TFEC: variants seen among roughly 807,000 people sequenced by gnomAD.
The protein encoded by TFEC is transcription factor EC, also known as class E basic helix-loop-helix protein 34.
A neutral mutation model predicts 41.6 loss-of-function variants in TFEC; 31 were observed. The observed-to-expected ratio is 0.74, with a 90% CI of 0.56 to 1.01. The LOEUF (loss-of-function observed/expected upper bound fraction) is 1.01, where lower values mean the gene tolerates loss of function less well. TFEC is among the 50% of genes least tolerant of loss of function. TFEC has a pLI of 0.00. For missense variants in TFEC, 402 were observed against 404.1 expected (o/e 0.99, Z 0.04); for synonymous variants, 143 against 140.6 (o/e 1.02, Z -0.12).
intron 1 of TFEC, among the ~76,000 whole-genome samples, chr7:116,016,634 CT>C (rs1357612405): frequency 2.6e-5 from 4 of 151,974 alleles, no homozygotes; most frequent in Non-Finnish European, 5.9e-5. Context: ...AGTTATGTTT[CT>C]GCTCTGGAAT....
chr7:115,950,662 A>G, intron 6 of TFEC, among the ~76,000 whole-genome samples: 1 of 152,130 alleles, frequency 6.6e-6, no homozygotes, highest in South Asian at 2.1e-4. Context: ...TTTACTTCTT[A>G]TAGCTCAAGA....
At chr7:116,139,205 G>A (rs1305767904) in intron 1 of TFEC, among the ~76,000 whole-genome samples, 1 of 152,200 alleles carries the variant, frequency 6.6e-6, no homozygotes, top group Admixed American at 6.5e-5. Flanking sequence ...AGTTCAGCCT[G>A]TGAAGTAGAA....
intron 1 of TFEC, among the ~76,000 whole-genome samples, chr7:115,998,655 G>A (rs1354668605): frequency 2.0e-5 from 3 of 151,810 alleles, no homozygotes; most frequent in Admixed American, 6.5e-5. Context: ...CATGCAAATG[G>A]AAACCAAAAA....
At chr7:115,993,153 A>G (rs983694445) in intron 1 of TFEC, among the ~76,000 whole-genome samples, 18 of 152,196 alleles carry the variant, frequency 1.2e-4, no homozygotes, top group Admixed American at 3.3e-4. Flanking sequence ...ACAAAATTCA[A>G]TAGCCCTTCA....
At chr7:116,054,704 T>C (rs922132814) in intron 3 of TFEC, among the ~76,000 whole-genome samples, 3 of 152,172 alleles carry the variant, frequency 2.0e-5, no homozygotes, top group African/African-American at 7.2e-5. Flanking sequence ...GGAACATACG[T>C]ACACCAAAAA....
chr7:116,060,014 A>T (rs1164755754), intron 3 of TFEC, among the ~76,000 whole-genome samples: 1 of 152,110 alleles, frequency 6.6e-6, no homozygotes, highest in Non-Finnish European at 1.5e-5. Context: ...TTGGAAAAAG[A>T]AGTAAAACTA....
At position 115,951,939 on chromosome 7, in the gene TFEC, T is replaced by G. The variant is rs1276126120; in HGVS notation, c.440-990A>C. On this transcript the variant is annotated intron_variant, in intron 5 of 7. Coordinates refer to ENST00000265440, the MANE Select transcript of TFEC (RefSeq NM_012252.4). The stretch of plus-strand genomic sequence containing the variant: ...AAGAACCATAACATATACTTATACA[T>G]GGTATCTTTTTCAACAGATATGTTT... Among the ~76,000 whole-genome samples, 4 of 152,060 alleles carry G rather than the reference T, an allele frequency of 2.6e-5. No homozygotes were observed. In the South Asian group the frequency reaches 8.3e-4, roughly 32 times the overall value.
At chr7:115,960,129 G>A (rs898522039) in intron 3 of TFEC, among the ~76,000 whole-genome samples, 5 of 150,898 alleles carry the variant, frequency 3.3e-5, no homozygotes, top group African/African-American at 1.2e-4. Flanking sequence ...CAATAATAAA[G>A]AGAAAAAAAT....
intron 6 of TFEC, among the ~76,000 whole-genome samples, chr7:115,949,093 T>C (rs149408224): frequency 0.12 from 18,932 of 152,090 alleles, 1,531 homozygotes; most frequent in East Asian, 0.38. Flanking sequence ...TGAACTCCCA[T>C]TCATAATTGC....
chr7:116,050,126 G>T (rs1435989790), intron 3 of TFEC, among the ~76,000 whole-genome samples: 4 of 151,974 alleles, frequency 2.6e-5, no homozygotes. Context: ...AAATAACTAA[G>T]ATCAGAACAG....
chr7:116,047,926 C>A (rs1295989646), intron 3 of TFEC, among the ~76,000 whole-genome samples: 3 of 152,180 alleles, frequency 2.0e-5, no homozygotes, highest in African/African-American at 7.2e-5. Context: ...AGGGTCCTGA[C>A]TGTTAGAAGG....
At chr7:116,058,894 T>C (rs76053062) in intron 3 of TFEC, among the ~76,000 whole-genome samples, 2 of 151,682 alleles carry the variant, frequency 1.3e-5, no homozygotes, top group Non-Finnish European at 3.0e-5. Context: ...TAAAGCAATA[T>C]TGAGGGACGA....
chr7:116,057,040 A>G (rs1311339445), intron 3 of TFEC, among the ~76,000 whole-genome samples: 3 of 152,056 alleles, frequency 2.0e-5, no homozygotes, highest in African/African-American at 7.2e-5. Flanking sequence ...CTGGATGGAA[A>G]TAACAGCAGA....
chr7:115,966,655 T>C (rs933391113), intron 3 of TFEC, among the ~76,000 whole-genome samples: 5 of 151,758 alleles, frequency 3.3e-5, no homozygotes, highest in Admixed American at 1.3e-4. Context: ...AATGTCTGGA[T>C]TCTTTATTAT....
chr7:116,137,690 A>T (rs1304933423), intron 1 of TFEC, among the ~76,000 whole-genome samples: 2 of 152,260 alleles, frequency 1.3e-5, no homozygotes, highest in East Asian at 3.9e-4. Context: ...CACACACTGC[A>T]TCAACAGTGA....
intron 3 of TFEC, among the ~76,000 whole-genome samples, chr7:116,042,476 G>T (rs73448931): frequency 0.02 from 3,051 of 152,232 alleles, 90 homozygotes; most frequent in African/African-American, 0.068. Context: ...AATATTAAGT[G>T]TTTAGTTGAA....
rs1241617655 is a variant in TFEC at position 115,939,090 on chromosome 7, C to A, written c.*1461G>T. 6.6e-6 allele frequency: 1 copy of A among 151,996 alleles called. No homozygotes were observed. Among genetic ancestry groups the A allele is most frequent in the African/African-American group, 2.4e-5 (1 of 41,394 alleles). The allele number at this position is 151,996 out of a possible 1,614,324, so 9.4% of individuals were successfully genotyped here. ...TGTCAGTCATTTTCATTTTCTCTGA[C>A]CTTCTGTATTTACAGTTTATGCTTA... On this transcript the variant is annotated 3_prime_UTR_variant, in exon 8 of 8. Coordinates refer to ENST00000265440, the MANE Select transcript of TFEC (RefSeq NM_012252.4).
At chr7:116,012,473 G>A (rs187053617) in intron 1 of TFEC, among the ~76,000 whole-genome samples, 49 of 152,154 alleles carry the variant, frequency 3.2e-4, no homozygotes, top group Middle Eastern at 3.4e-3. Flanking sequence ...GAATAAAGGA[G>A]AAACAAGACT....
intron 3 of TFEC, among the ~76,000 whole-genome samples, chr7:116,097,126 G>A (rs1797483780): frequency 6.6e-6 from 1 of 151,640 alleles, no homozygotes; most frequent in African/African-American, 2.4e-5. Context: ...AAAAGAAAGT[G>A]GGCAGGATAA....
Sources: gnomAD v4.1 joint callset for allele counts (sites outside exome capture counted in the v4.1 genomes callset) on GRCh38, gnomAD v4.1.1 for gene constraint, MANE v1.5 for transcripts, NCBI Gene and HGNC (gene_info 2026-07-23, HGNC 2026-07-21) for gene names.